RTL4: variants seen among roughly 807,000 people sequenced by gnomAD.
The protein encoded by RTL4 is retrotransposon Gag like 4.
RTL4 carries 4 observed loss-of-function variants against 5.3 expected under a neutral mutation model. The ratio of observed to expected loss-of-function variants is 0.75; its 90% CI spans 0.37 to 1.72. The LOEUF (loss-of-function observed/expected upper bound fraction) is 1.72, where lower values mean the gene tolerates loss of function less well. Among genes scored for constraint, RTL4 ranks in the 40% most tolerant of loss-of-function variants. The pLI is 0.04. For missense variants in RTL4, 260 were observed against 227.1 expected (o/e 1.14, Z -0.93); for synonymous variants, 98 against 87.3 (o/e 1.12, Z -0.68).
the RTL4 span, among the ~76,000 whole-genome samples, chrX:112,420,813 A>G: frequency 8.9e-6 from 1 of 111,805 alleles, no homozygotes; most frequent in Non-Finnish European, 1.9e-5. Flanking sequence ...ATGCCTGGCC[A>G]CATAGGGCCC....
chrX:112,402,520 C>T, the RTL4 span, among the ~76,000 whole-genome samples: 1 of 109,225 alleles, frequency 9.2e-6, no homozygotes, highest in African/African-American at 3.3e-5. Context: ...TGCTTTCTGA[C>T]CACTGCTCAT....
the RTL4 span, among the ~76,000 whole-genome samples, chrX:112,160,186 A>G: frequency 8.9e-6 from 1 of 112,228 alleles, no homozygotes; most frequent in Non-Finnish European, 1.9e-5. Context: ...GCAGAGGTGT[A>G]TAAATTGGTA....
the RTL4 span, among the ~76,000 whole-genome samples, chrX:112,283,946 A>G: frequency 9.1e-6 from 1 of 110,317 alleles, no homozygotes; most frequent in Non-Finnish European, 1.9e-5. Context: ...CACCTACGTA[A>G]AAAAGGTGCA....
downstream of RTL4, among the ~76,000 whole-genome samples, chrX:112,457,389 G>A (rs765105135): frequency 9.0e-6 from 1 of 111,686 alleles, no homozygotes; most frequent in African/African-American, 3.3e-5. Context: ...AAGAAATTCC[G>A]ACTATAGTAC....
the RTL4 span, among the ~76,000 whole-genome samples, chrX:112,229,494 G>A: frequency 9.0e-6 from 1 of 111,653 alleles, no homozygotes; most frequent in African/African-American, 3.3e-5. Context: ...ATTGTAACAT[G>A]TACATTACTG....
chrX:112,421,321 G>A, the RTL4 span, among the ~76,000 whole-genome samples: 130 of 111,715 alleles, frequency 1.2e-3, no homozygotes, highest in African/African-American at 4.0e-3. Context: ...TTGTACAAAT[G>A]TAAGGTCTTC....
the RTL4 span, among the ~76,000 whole-genome samples, chrX:112,331,590 G>T: frequency 9.3e-6 from 1 of 107,055 alleles, no homozygotes; most frequent in African/African-American, 3.4e-5. Context: ...CATTGTGGAA[G>T]TCAGTGTGGC....
chrX:112,362,522 T>C, the RTL4 span, among the ~76,000 whole-genome samples: 1 of 111,579 alleles, frequency 9.0e-6, no homozygotes, highest in Non-Finnish European at 1.9e-5. Context: ...GAAGAAAGAC[T>C]GTTTTCAGGC....
At chrX:112,087,329 C>CT in the RTL4 span, among the ~76,000 whole-genome samples, 5,111 of 91,212 alleles carry the variant, frequency 0.056, 365 homozygotes, top group African/African-American at 0.17. Flanking sequence ...TGGTCTTCAG[C>CT]TTTTTTTTTT....
At chrX:112,419,252 A>G in the RTL4 span, among the ~76,000 whole-genome samples, 2 of 95,498 alleles carry the variant, frequency 2.1e-5, no homozygotes, top group South Asian at 5.7e-4. Context: ...CCTCATTTCT[A>G]TAGAGAGATA....
the RTL4 span, among the ~76,000 whole-genome samples, chrX:112,334,155 A>T: frequency 8.9e-6 from 1 of 111,984 alleles, no homozygotes; most frequent in East Asian, 2.8e-4. Context: ...AATGCTGAGT[A>T]GTACTACATT....
the RTL4 span, among the ~76,000 whole-genome samples, chrX:112,186,611 C>T: frequency 2.7e-5 from 3 of 111,515 alleles, no homozygotes; most frequent in African/African-American, 3.3e-5. Context: ...TATGATGTTA[C>T]GGGGGAATAT....
the RTL4 span, among the ~76,000 whole-genome samples, chrX:112,157,431 T>C: frequency 3.9e-4 from 43 of 111,135 alleles, no homozygotes; most frequent in African/African-American, 1.1e-3. Context: ...GTTATATAGC[T>C]GCAGCCTAAG....
chrX:112,315,395 C>G, the RTL4 span, among the ~76,000 whole-genome samples: 6 of 111,152 alleles, frequency 5.4e-5, no homozygotes, highest in Non-Finnish European at 1.1e-4. Context: ...TGACCTCCCC[C>G]ACGCTACTCC....
the RTL4 span, among the ~76,000 whole-genome samples, chrX:112,122,840 C>CTA: frequency 9.0e-6 from 1 of 111,362 alleles, no homozygotes; most frequent in South Asian, 3.7e-4. Flanking sequence ...TATTGTATGA[C>CTA]ACCTTATTTT....
the RTL4 span, among the ~76,000 whole-genome samples, chrX:112,222,023 A>C: frequency 9.8e-5 from 11 of 112,169 alleles, no homozygotes; most frequent in South Asian, 3.0e-3. Context: ...CTCTCACCTT[A>C]TACACAATAA....
the RTL4 span, among the ~76,000 whole-genome samples, chrX:112,137,801 T>C: frequency 8.9e-6 from 1 of 111,753 alleles, no homozygotes; most frequent in East Asian, 2.8e-4. Flanking sequence ...TTGGTGGGAA[T>C]GTAAATTGTT....
the RTL4 span, among the ~76,000 whole-genome samples, chrX:112,435,936 GC>G: frequency 9.0e-6 from 1 of 111,594 alleles, no homozygotes; most frequent in Admixed American, 9.5e-5. Context: ...GCCATACTAG[GC>G]CCAGCGCGGT....
the RTL4 span, among the ~76,000 whole-genome samples, chrX:112,240,329 T>C: frequency 9.0e-6 from 1 of 111,601 alleles, no homozygotes; most frequent in Non-Finnish European, 1.9e-5. Flanking sequence ...AGGGAATGTA[T>C]AGTAACAAAA....
Sources: gnomAD v4.1 joint callset for allele counts (sites outside exome capture counted in the v4.1 genomes callset) on GRCh38, gnomAD v4.1.1 for gene constraint, MANE v1.5 for transcripts, NCBI Gene and HGNC (gene_info 2026-07-23, HGNC 2026-07-21) for gene names.